Variants in ARHGAP42 observed in about 807,000 individuals in gnomAD.
ARHGAP42 encodes Rho GTPase activating protein 42.
A neutral mutation model predicts 125.0 loss-of-function variants in ARHGAP42; 63 were observed. The ratio of observed to expected loss-of-function variants is 0.50; its 90% CI spans 0.41 to 0.62. The LOEUF (loss-of-function observed/expected upper bound fraction) is 0.62, where lower values mean the gene tolerates loss of function less well. Among genes scored for constraint, ARHGAP42 ranks in the 20% least tolerant of loss-of-function variants. The probability of loss-of-function intolerance (pLI) is 0.00; values close to 1 mark genes in which losing one functional copy is unlikely to be tolerated. For missense variants in ARHGAP42, 766 were observed against 1,024.2 expected (o/e 0.75, Z 3.44); for synonymous variants, 339 against 351.0 (o/e 0.97, Z 0.38).
chr11:100,808,039 C>G (rs1427783835), intron 3 of ARHGAP42, among the ~76,000 whole-genome samples: 1 of 143,196 alleles, frequency 7.0e-6, no homozygotes, highest in Non-Finnish European at 1.5e-5. Flanking sequence ...AGTTTAACAT[C>G]TGGGTGAGGC....
chr11:100,898,297 A>G (rs1378385221), intron 4 of ARHGAP42, among the ~76,000 whole-genome samples: 2 of 152,144 alleles, frequency 1.3e-5, no homozygotes, highest in Non-Finnish European at 2.9e-5. Context: ...TTGGTCTAAA[A>G]TTCTCTTTTT....
chr11:100,955,980 T>C (rs2135292114), intron 12 of ARHGAP42, among the ~76,000 whole-genome samples: 1 of 152,260 alleles, frequency 6.6e-6, no homozygotes, highest in East Asian at 1.9e-4. Flanking sequence ...TCCTTGTGAC[T>C]ACTTCATCCA....
intron 1 of ARHGAP42, among the ~76,000 whole-genome samples, chr11:100,764,025 C>CTTTTT (rs772607133): frequency 9.9e-6 from 1 of 101,508 alleles, no homozygotes; most frequent in Admixed American, 9.8e-5. Flanking sequence ...TCTTCTTCTT[C>CTTTTT]TTTTTTTTTT....
intron 2 of ARHGAP42, among the ~76,000 whole-genome samples, chr11:100,785,418 G>T (rs1219786405): frequency 6.6e-6 from 1 of 152,148 alleles, no homozygotes; most frequent in African/African-American, 2.4e-5. Context: ...AACTAGAGTT[G>T]AATAAAAGGA....
chr11:100,698,328 G>A (rs1272463151), intron 1 of ARHGAP42, among the ~76,000 whole-genome samples: 1 of 152,180 alleles, frequency 6.6e-6, no homozygotes, highest in Admixed American at 6.5e-5. Flanking sequence ...AAAATTAGCT[G>A]GGTGTGGTGG....
intron 4 of ARHGAP42, chr11:100,859,911 G>A (rs1278736504): frequency 8.7e-6 from 2 of 230,516 alleles, no homozygotes; most frequent in African/African-American, 4.5e-5. Context: ...GAGGAGCTCT[G>A]TTCCTAAATA....
chr11:100,808,820 T>C (rs893994898), intron 3 of ARHGAP42, among the ~76,000 whole-genome samples: 2 of 152,252 alleles, frequency 1.3e-5, no homozygotes, highest in Admixed American at 6.5e-5. Context: ...ATTTTACTTG[T>C]TATAATAGTA....
intron 4 of ARHGAP42, among the ~76,000 whole-genome samples, chr11:100,908,881 C>T (rs1866827641): frequency 6.6e-6 from 1 of 152,200 alleles, no homozygotes; most frequent in South Asian, 2.1e-4. Flanking sequence ...ATTCCCTTTT[C>T]TCTGCAGTCT....
At chr11:100,973,384 T>C in intron 18 of ARHGAP42, 50 bp downstream of exon 18, 2 of 1,529,004 alleles carry the variant, frequency 1.3e-6, no homozygotes, top group Non-Finnish European at 1.8e-6. Context: ...CTTGGTTTTA[T>C]AAAGGAATTT....
intron 3 of ARHGAP42, among the ~76,000 whole-genome samples, chr11:100,800,942 G>A (rs1863836872): frequency 6.6e-6 from 1 of 152,072 alleles, no homozygotes. Context: ...GATAGTATAG[G>A]TTTAATATCC....
intron 3 of ARHGAP42, among the ~76,000 whole-genome samples, chr11:100,836,336 A>AT (rs1376959248): frequency 6.6e-6 from 1 of 152,114 alleles, no homozygotes; most frequent in East Asian, 1.9e-4. Context: ...CTGAAGGAAG[A>AT]TTAGAATTTT....
chr11:100,770,222 G>A, intron 1 of ARHGAP42, 121 bp from the exon 2 acceptor site: 1 of 672,604 alleles, frequency 1.5e-6, no homozygotes, highest in African/African-American at 1.8e-5. Context: ...AGTCAAACTG[G>A]TATTAAAGGA....
chr11:100,892,966 C>T (rs1221619614), intron 4 of ARHGAP42, among the ~76,000 whole-genome samples: 1 of 152,156 alleles, frequency 6.6e-6, no homozygotes, highest in Non-Finnish European at 1.5e-5. Flanking sequence ...AGGTGGTCAC[C>T]ATGTGACACA....
chr11:100,697,662 A>G (rs1265094502), intron 1 of ARHGAP42, among the ~76,000 whole-genome samples: 3 of 152,204 alleles, frequency 2.0e-5, no homozygotes, highest in Non-Finnish European at 4.4e-5. Flanking sequence ...GTGATGATTT[A>G]ATTTGGAAAA....
intron 1 of ARHGAP42, among the ~76,000 whole-genome samples, chr11:100,712,876 T>C (rs778767170): frequency 6.6e-6 from 1 of 152,250 alleles, no homozygotes; most frequent in Admixed American, 6.5e-5. Flanking sequence ...AACCTTTCTC[T>C]ACCTGCCTTC....
rs1866418640 is a variant in ARHGAP42 at position 100,898,271 on chromosome 11, A to G, written c.385-15181A>G. ...TATTTTATTGAGGATTTTTACGTCG[A>G]TGTTCATCAGGGACATTGGTCTAAA... On this transcript the variant is annotated intron_variant, in intron 4 of 23. Coordinates refer to ENST00000298815, the MANE Select transcript of ARHGAP42 (RefSeq NM_152432.4). 3.3e-5 allele frequency among the ~76,000 whole-genome samples: 5 copies of G among 152,122 alleles called. No homozygotes were observed. The South Asian group carries it at 1.0e-3, about 32-fold the overall frequency.
At chr11:100,740,647 C>T (rs778142475) in intron 1 of ARHGAP42, among the ~76,000 whole-genome samples, 2 of 152,042 alleles carry the variant, frequency 1.3e-5, no homozygotes, top group Non-Finnish European at 2.9e-5. Flanking sequence ...AGAATGGTTC[C>T]TGAAAGTGAA....
At chr11:100,716,673 T>TA (rs913000644) in intron 1 of ARHGAP42, among the ~76,000 whole-genome samples, 1 of 152,182 alleles carries the variant, frequency 6.6e-6, no homozygotes, top group Non-Finnish European at 1.5e-5. Context: ...AAAAATATGC[T>TA]AAAAATATAA....
rs557190426 is a variant in ARHGAP42, at chr11:100,882,373, C to A, written c.384+22748C>A. On this transcript the variant is annotated intron_variant, in intron 4 of 23. Coordinates refer to ENST00000298815, the MANE Select transcript of ARHGAP42 (RefSeq NM_152432.4). Reference sequence around the variant, plus strand: ...AATCATGTAATTTTTGTTTTTAATTCTTTTTATGTGGTGTATCACATTTAT... The same window carrying A: ...AATCATGTAATTTTTGTTTTTAATTATTTTTATGTGGTGTATCACATTTAT... 1.1e-3 allele frequency among the ~76,000 whole-genome samples: 171 copies of A among 152,058 alleles called. 1 individual carries two copies. Among genetic ancestry groups the A allele is most frequent in the African/African-American group, 4.0e-3 (165 of 41,458 alleles).
Sources: gnomAD v4.1 joint callset for allele counts (sites outside exome capture counted in the v4.1 genomes callset) on GRCh38, gnomAD v4.1.1 for gene constraint, MANE v1.5 for transcripts, NCBI Gene and HGNC (gene_info 2026-07-23, HGNC 2026-07-21) for gene names.